The following F13A1 variants were observed in gnomAD, a reference collection of about 807,000 sequenced individuals.
F13A1 encodes coagulation factor XIII A chain.
F13A1 carries 47 observed loss-of-function variants against 80.1 expected under a neutral mutation model. The ratio of observed to expected loss-of-function variants is 0.59; its 90% CI spans 0.46 to 0.75. The LOEUF (loss-of-function observed/expected upper bound fraction) is 0.75. F13A1 is among the 30% of genes least tolerant of loss of function. The pLI, the probability that F13A1 is intolerant of heterozygous loss-of-function variation, is 0.00. For synonymous variants in F13A1, 349 were observed against 344.9 expected (o/e 1.01, Z -0.13); for missense variants, 817 against 930.4 (o/e 0.88, Z 1.59).
At chr6:6,225,977 T>C (rs1247564974) in intron 6 of F13A1, among the ~76,000 whole-genome samples, 4 of 152,258 alleles carry the variant, frequency 2.6e-5, no homozygotes, top group Non-Finnish European at 2.9e-5. Context: ...CTTGAATATC[T>C]GGATAAAACT....
intron 6 of F13A1, among the ~76,000 whole-genome samples, chr6:6,231,006 A>T (rs1166401456): frequency 6.6e-6 from 1 of 152,190 alleles, no homozygotes; most frequent in African/African-American, 2.4e-5. Context: ...GTAATATGAC[A>T]AAACAAGGCT....
chr6:6,205,056 G>T (rs957072854), intron 8 of F13A1, among the ~76,000 whole-genome samples: 2 of 152,232 alleles, frequency 1.3e-5, no homozygotes, highest in African/African-American at 4.8e-5. Flanking sequence ...GGAGATAAAT[G>T]GAGGGCGCCA....
In F13A1 at chr6:6,297,688, C is replaced by CA. The variant is rs1353242704; in HGVS notation, c.319+7662dup. On this transcript the variant is annotated intron_variant, in intron 3 of 14. Coordinates refer to ENST00000264870, the MANE Select transcript of F13A1 (RefSeq NM_000129.4). ...GGTCTATCAATTTTGTTGATCCTTT[C>CA]AAAAAACCAGCTCCTGGATTCATTA... 1.5e-4 allele frequency among the ~76,000 whole-genome samples: 23 copies of CA among 149,034 alleles called. 1 individual carries two copies. The highest frequency in any genetic ancestry group is 2.9e-4 in the Non-Finnish European group (20 of 67,898).
intron 13 of F13A1, among the ~76,000 whole-genome samples, chr6:6,153,855 G>A (rs1387274275): frequency 5.3e-5 from 8 of 152,122 alleles, no homozygotes; most frequent in South Asian, 2.1e-4. Context: ...GTATCAGCTC[G>A]ATCAGACTAT....
intron 6 of F13A1, among the ~76,000 whole-genome samples, chr6:6,241,091 T>C (rs1322039190): frequency 1.3e-5 from 2 of 152,176 alleles, no homozygotes; most frequent in Non-Finnish European, 2.9e-5. Flanking sequence ...TCTGCCTTTT[T>C]CTGCTGTTCC....
chr6:6,313,300 TA>T lies in F13A1; in HGVS notation c.130+5234del, dbSNP rs1471968827. Among the ~76,000 whole-genome samples the T allele has an allele frequency of 2.0e-3, 202 of 101,080 alleles. 1 individual carries two copies. The East Asian group carries it at 0.024, about 12-fold the overall frequency. The allele number at this position is 101,080 out of a possible 152,430, so 66.3% of individuals were successfully genotyped here. On this transcript the variant is annotated intron_variant, in intron 2 of 14. Transcript: ENST00000264870. Reference sequence around the variant, plus strand: ...GCCGCCTTTTTTTTTTTTTTTTTTTTAAATACGGTAGCTAGAAACTTGGCAG... The same window carrying T: ...GCCGCCTTTTTTTTTTTTTTTTTTTTAATACGGTAGCTAGAAACTTGGCAG...
At chr6:6,242,473 A>G (rs1757495542) in intron 6 of F13A1, among the ~76,000 whole-genome samples, 1 of 152,230 alleles carries the variant, frequency 6.6e-6, no homozygotes, top group African/African-American at 2.4e-5. Context: ...TGGATAGTCC[A>G]GGATGGCAGC....
intron 8 of F13A1, 49 bp downstream of exon 8, chr6:6,221,984 A>G: frequency 6.2e-7 from 1 of 1,603,924 alleles, no homozygotes; most frequent in Non-Finnish European, 8.5e-7. Flanking sequence ...TAAATGTGTA[A>G]CATTACTATA....
intron 6 of F13A1, among the ~76,000 whole-genome samples, chr6:6,237,013 C>T (rs1757422293): frequency 6.6e-6 from 1 of 152,086 alleles, no homozygotes; most frequent in African/African-American, 2.4e-5. Flanking sequence ...GCAAAAGAAA[C>T]TCAGTAGTTA....
chr6:6,262,279 G>T (rs1265714627), intron 4 of F13A1, among the ~76,000 whole-genome samples: 1 of 152,198 alleles, frequency 6.6e-6, no homozygotes, highest in Non-Finnish European at 1.5e-5. Context: ...CTCCAAGCGT[G>T]GTGACCACAG....
At chr6:6,210,389 G>GGCTGAAGT (rs2113031468) in intron 8 of F13A1, among the ~76,000 whole-genome samples, 1 of 125,528 alleles carries the variant, frequency 8.0e-6, no homozygotes, top group East Asian at 2.5e-4. Flanking sequence ...CTGTCGCCCA[G>GGCTGAAGT]GCTGAAGTGC....
chr6:6,228,867 TA>T (rs1237706368), intron 6 of F13A1, among the ~76,000 whole-genome samples: 2 of 150,740 alleles, frequency 1.3e-5, no homozygotes, highest in African/African-American at 4.9e-5. Context: ...AATTGGGAAA[TA>T]ATACAAGCTG....
At chr6:6,247,682 A>G (rs556483802) in intron 6 of F13A1, among the ~76,000 whole-genome samples, 24 of 152,332 alleles carry the variant, frequency 1.6e-4, no homozygotes, top group African/African-American at 5.8e-4. Flanking sequence ...GAAAATGTCT[A>G]GATTTGAAGT....
intron 2 of F13A1, 160 bp from the exon 3 acceptor site, chr6:6,305,699 T>C: frequency 1.5e-6 from 1 of 680,252 alleles, no homozygotes; most frequent in Non-Finnish European, 2.6e-6. Context: ...GTCTCGAGAG[T>C]CAGCCTCTTG....
chr6:6,271,091 T>C (rs1254129857), intron 3 of F13A1, among the ~76,000 whole-genome samples: 1 of 152,162 alleles, frequency 6.6e-6, no homozygotes, highest in African/African-American at 2.4e-5. Context: ...GTGGTGAGAT[T>C]AATTCCAAAG....
chr6:6,286,051 G>C (rs1406103924), intron 3 of F13A1, among the ~76,000 whole-genome samples: 2 of 152,250 alleles, frequency 1.3e-5, no homozygotes, highest in South Asian at 2.1e-4. Context: ...CACCACTTAA[G>C]GGAAGAATCA....
chr6:6,182,179 T>A (rs964101462), intron 10 of F13A1, 38 bp from the exon 11 acceptor site: 13 of 1,611,864 alleles, frequency 8.1e-6, no homozygotes, highest in Non-Finnish European at 1.0e-5. Context: ...CATCATCACA[T>A]GTCTGCTGTT....
intron 11 of F13A1, among the ~76,000 whole-genome samples, chr6:6,175,201 C>T (rs986098455): frequency 3.3e-5 from 5 of 152,144 alleles, no homozygotes; most frequent in Non-Finnish European, 7.4e-5. Flanking sequence ...AGTTTGCTTG[C>T]TTTTCTTAGT....
At chr6:6,305,707 T>C (rs1758503747) in intron 2 of F13A1, 168 bp from the exon 3 acceptor site, 1 of 659,006 alleles carries the variant, frequency 1.5e-6, no homozygotes, top group Non-Finnish European at 2.6e-6. Context: ...AGTCAGCCTC[T>C]TGTGACATTC....
Sources: gnomAD v4.1 joint callset for allele counts (sites outside exome capture counted in the v4.1 genomes callset) on GRCh38, gnomAD v4.1.1 for gene constraint, MANE v1.5 for transcripts, NCBI Gene and HGNC (gene_info 2026-07-23, HGNC 2026-07-21) for gene names.